ATAD2B: variants seen among roughly 807,000 people sequenced by gnomAD.
The protein encoded by ATAD2B is ATPase family AAA domain containing 2B.
ATAD2B carries 40 observed loss-of-function variants against 167.6 expected under a neutral mutation model. The ratio of observed to expected loss-of-function variants is 0.24; its 90% CI spans 0.19 to 0.31. The LOEUF (loss-of-function observed/expected upper bound fraction) is 0.31, where lower values mean the gene tolerates loss of function less well. Among genes scored for constraint, ATAD2B ranks in the 10% least tolerant of loss-of-function variants. ATAD2B has a pLI of 1.00. For missense variants in ATAD2B, 1,242 were observed against 1,757.2 expected (o/e 0.71, Z 5.24); for synonymous variants, 579 against 596.5 (o/e 0.97, Z 0.43).
At chr2:23,794,400 T>C (rs936986583) in intron 19 of ATAD2B, among the ~76,000 whole-genome samples, 3 of 152,220 alleles carry the variant, frequency 2.0e-5, no homozygotes, top group African/African-American at 7.2e-5. Context: ...TTCAATCTGT[T>C]ACAATATGTT....
At chr2:23,763,529 A>T (rs1371873757) in intron 23 of ATAD2B, among the ~76,000 whole-genome samples, 1 of 152,200 alleles carries the variant, frequency 6.6e-6, no homozygotes. Context: ...GACATTTTAT[A>T]TAAAAGAAAT....
intron 7 of ATAD2B, among the ~76,000 whole-genome samples, chr2:23,879,734 A>G (rs1481687219): frequency 6.6e-6 from 1 of 152,154 alleles, no homozygotes; most frequent in Non-Finnish European, 1.5e-5. Flanking sequence ...ACCTCGGGTA[A>G]GTCACTTAAC....
intron 1 of ATAD2B, among the ~76,000 whole-genome samples, chr2:23,918,598 G>A (rs1444436554): frequency 6.6e-6 from 1 of 152,044 alleles, no homozygotes; most frequent in African/African-American, 2.4e-5. Flanking sequence ...ATCCCTATAT[G>A]TTACTATTCA....
chr2:23,888,003 T>C lies in ATAD2B; in HGVS notation c.419-18A>G. 6.6e-7 allele frequency: 1 copy of C among 1,526,700 alleles called. No individual in the cohort carries two copies. Among genetic ancestry groups the C allele is most frequent in the South Asian group, 1.3e-5 (1 of 76,040 alleles). 94.6% of individuals were successfully genotyped at this position (1,526,700 alleles called of 1,614,324 possible). ...TCGAAGGGCTACAAGAAGAGAGATATTTACATTTCAAAGTACAGAATACAG... is the reference window on the plus strand; with the variant it reads ...TCGAAGGGCTACAAGAAGAGAGATACTTACATTTCAAAGTACAGAATACAG... On this transcript the variant is annotated intron_variant, in intron 3 of 27. Coordinates refer to ENST00000238789, the MANE Select transcript of ATAD2B (RefSeq NM_017552.4).
At chr2:23,777,348 A>ATATGTC (rs1553380260) in intron 22 of ATAD2B, among the ~76,000 whole-genome samples, 3 of 146,226 alleles carry the variant, frequency 2.1e-5, no homozygotes, top group African/African-American at 7.6e-5. Flanking sequence ...CATAATACTG[A>ATATGTC]TATATCTATA....
the ATAD2B span, among the ~76,000 whole-genome samples, chr2:23,739,316 C>G: frequency 1.3e-5 from 2 of 152,112 alleles, no homozygotes; most frequent in African/African-American, 4.8e-5. Flanking sequence ...CACTCCTCAG[C>G]AAATGTAAAA....
intron 22 of ATAD2B, among the ~76,000 whole-genome samples, chr2:23,770,262 G>A (rs1678120679): frequency 1.3e-5 from 2 of 151,952 alleles, no homozygotes; most frequent in Non-Finnish European, 2.9e-5. Flanking sequence ...GTTGCAATGA[G>A]CTGAGATCAT....
intron 22 of ATAD2B, among the ~76,000 whole-genome samples, chr2:23,777,162 G>C (rs1165406683): frequency 1.3e-5 from 2 of 152,082 alleles, no homozygotes; most frequent in Non-Finnish European, 2.9e-5. Context: ...GCCAAGAAAA[G>C]AGGCCTCAGG....
chr2:23,733,731 T>C, the ATAD2B span, among the ~76,000 whole-genome samples: 1 of 152,022 alleles, frequency 6.6e-6, no homozygotes, highest in South Asian at 2.1e-4. Flanking sequence ...ATCCCCAACA[T>C]CCAATCACTG....
At chr2:23,837,572 G>A (rs1690207031) in intron 13 of ATAD2B, among the ~76,000 whole-genome samples, 1 of 152,224 alleles carries the variant, frequency 6.6e-6, no homozygotes, top group South Asian at 2.1e-4. Flanking sequence ...AAGCTCCGTG[G>A]AATGTGCAGC....
chr2:23,909,789 T>C (rs1478611655), intron 1 of ATAD2B, among the ~76,000 whole-genome samples: 2 of 152,138 alleles, frequency 1.3e-5, no homozygotes, highest in Admixed American at 1.3e-4. Flanking sequence ...TCATACTTTT[T>C]AAGTAAGAAT....
chr2:23,841,952 T>A (rs1051661748), intron 13 of ATAD2B, among the ~76,000 whole-genome samples: 2 of 152,208 alleles, frequency 1.3e-5, no homozygotes, highest in African/African-American at 4.8e-5. Flanking sequence ...GCTATGAATA[T>A]TTGTTTTTGT....
chr2:23,822,223 T>C (rs549469947), intron 16 of ATAD2B, among the ~76,000 whole-genome samples: 4 of 152,254 alleles, frequency 2.6e-5, no homozygotes, highest in African/African-American at 7.2e-5. Context: ...CCAGAACTTA[T>C]TGAATGACCT....
chr2:23,757,769 G>A lies in ATAD2B; in HGVS notation c.3727C>T (p.Leu1243=), dbSNP rs755682647. 1 of 1,587,718 alleles carries A rather than the reference G, an allele frequency of 6.3e-7. No homozygotes were observed. Among genetic ancestry groups the A allele is most frequent in the South Asian group, 1.2e-5 (1 of 86,236 alleles). The change falls in exon 25 of 28, where the codon CTA becomes TTA. Residue 1243 remains leucine (L), a synonymous_variant. Coordinates refer to ENST00000238789, the MANE Select transcript of ATAD2B (RefSeq NM_017552.4). Reference sequence around the variant, plus strand: ...AAGGAACTGCTGCTGTTGACCAGTAGAGATTCATTTGAACTTTCCTCCTCA... The same window carrying A: ...AAGGAACTGCTGCTGTTGACCAGTAAAGATTCATTTGAACTTTCCTCCTCA... ...STEEESSNES[L]LVNSSSSLNP...
At chr2:23,683,984 C>G in the ATAD2B span, among the ~76,000 whole-genome samples, 1 of 152,206 alleles carries the variant, frequency 6.6e-6, no homozygotes, top group African/African-American at 2.4e-5. Context: ...CAGTGCCATG[C>G]TTGACTTGGT....
the ATAD2B span, among the ~76,000 whole-genome samples, chr2:23,729,552 A>C: frequency 6.6e-6 from 1 of 152,120 alleles, no homozygotes; most frequent in Admixed American, 6.5e-5. Context: ...ACTCATCAGA[A>C]TATCCATTCT....
Position 23,893,667 on chromosome 2 carries a change from C to CA in ATAD2B, c.368+2151_368+2152insT, listed in dbSNP as rs1553448677. ...ATGAATAAACTAAAAAAAAAAAAAA[C>CA]TTTTTTTTTTTTTTTTTTACGAAGA... On this transcript the variant is annotated intron_variant, in intron 2 of 27. Transcript: ENST00000238789. Among the ~76,000 whole-genome samples, 131 of 119,440 alleles carry CA rather than the reference C, an allele frequency of 1.1e-3. 1 individual carries two copies. Among genetic ancestry groups the CA allele is most frequent in the African/African-American group, 3.9e-3 (123 of 31,560 alleles). 78.4% of individuals were successfully genotyped at this position (119,440 alleles called of 152,430 possible). A position where few individuals can be genotyped will look rare whatever the true frequency, so the allele number is the denominator to read the frequency against.
At position 23,757,624 on chromosome 2, in the gene ATAD2B, T is replaced by TCAA; in HGVS notation, c.3869_3871dup (p.Leu1290_Glu1291insVal). ...TCCACTATCACAGAAAGAAACTACTTCAAGCTTGCCATTCTGACATTCCAG... is the reference window on the plus strand; with the variant it reads ...TCCACTATCACAGAAAGAAACTACTTCAACAAGCTTGCCATTCTGACATTCCAG... On this transcript the variant is annotated inframe_insertion, in exon 25 of 28. Coordinates refer to ENST00000238789, the MANE Select transcript of ATAD2B (RefSeq NM_017552.4). 6.2e-7 allele frequency: 1 copy of TCAA among 1,613,884 alleles called. No homozygotes were observed. The highest frequency in any genetic ancestry group is 8.5e-7 in the Non-Finnish European group (1 of 1,179,756).
At position 23,808,313 on chromosome 2, in the gene ATAD2B, C is replaced by T. The variant is rs374942572; in HGVS notation, c.2454+2003G>A. On this transcript the variant is annotated intron_variant, in intron 18 of 27. Transcript: ENST00000238789. ...CCTTAATAAAGATGGCTTCTTCCCCCAGCCAAGAAGATTGATGATACTATG... is the reference window on the plus strand; with the variant it reads ...CCTTAATAAAGATGGCTTCTTCCCCTAGCCAAGAAGATTGATGATACTATG... 8.9e-4 allele frequency among the ~76,000 whole-genome samples: 134 copies of T among 149,926 alleles called. 1 individual carries two copies. The highest frequency in any genetic ancestry group is 9.9e-4 in the Non-Finnish European group (67 of 67,660).
Sources: gnomAD v4.1 joint callset for allele counts (sites outside exome capture counted in the v4.1 genomes callset) on GRCh38, gnomAD v4.1.1 for gene constraint, MANE v1.5 for transcripts, NCBI Gene and HGNC (gene_info 2026-07-23, HGNC 2026-07-21) for gene names.